The following DOCK2 variants were observed in gnomAD, a reference collection of about 807,000 sequenced individuals.
DOCK2 encodes dedicator of cytokinesis protein 2.
Under a neutral mutation model 248.9 loss-of-function variants are expected in DOCK2, and 87 were observed. The observed-to-expected ratio is 0.35, with a 90% CI of 0.29 to 0.42. The LOEUF (loss-of-function observed/expected upper bound fraction) is 0.42, where lower values mean the gene tolerates loss of function less well. Ranked by LOEUF, DOCK2 falls within the 10% of genes least tolerant of loss-of-function variation. The probability of loss-of-function intolerance (pLI) is 1.00; values close to 1 mark genes in which losing one functional copy is unlikely to be tolerated. For missense variants in DOCK2, 1,747 were observed against 2,300.2 expected (o/e 0.76, Z 4.92); for synonymous variants, 805 against 821.6 (o/e 0.98, Z 0.35).
chr5:169,908,148 C>T (rs771336329), intron 27 of DOCK2, among the ~76,000 whole-genome samples: 8 of 152,170 alleles, frequency 5.3e-5, no homozygotes, highest in Non-Finnish European at 8.8e-5. Flanking sequence ...TTCAAGTTCA[C>T]TAATGCCAGA....
chr5:169,717,028 T>C (rs1236741516), intron 20 of DOCK2, among the ~76,000 whole-genome samples: 1 of 152,210 alleles, frequency 6.6e-6, no homozygotes, highest in Non-Finnish European at 1.5e-5. Context: ...ATATATACTT[T>C]GATTAATTAA....
chr5:170,015,213 C>T (rs907522306), intron 32 of DOCK2, among the ~76,000 whole-genome samples: 19 of 152,250 alleles, frequency 1.2e-4, no homozygotes, highest in East Asian at 3.9e-4. Context: ...TGCAATGTGC[C>T]GGACACTGTG....
At chr5:169,682,227 C>A (rs1759706457) in intron 7 of DOCK2, among the ~76,000 whole-genome samples, 1 of 152,222 alleles carries the variant, frequency 6.6e-6, no homozygotes, top group Non-Finnish European at 1.5e-5. Flanking sequence ...TTATGTGAAT[C>A]AAAGTGACTC....
intron 22 of DOCK2, among the ~76,000 whole-genome samples, chr5:169,739,524 TA>T (rs989605222): frequency 1.3e-5 from 2 of 152,166 alleles, no homozygotes; most frequent in Non-Finnish European, 2.9e-5. Context: ...AATCAGAATA[TA>T]AAATAAGTGT....
At chr5:170,077,231 G>A (rs900894041) in intron 47 of DOCK2, among the ~76,000 whole-genome samples, 22 of 152,154 alleles carry the variant, frequency 1.4e-4, no homozygotes, top group African/African-American at 4.8e-4. Flanking sequence ...AGAGCCTAAT[G>A]TCCAGAGTTT....
At chr5:169,759,886 A>G (rs1764385783) in intron 24 of DOCK2, 111 bp downstream of exon 24, 1 of 1,167,962 alleles carries the variant, frequency 8.6e-7, no homozygotes, top group Non-Finnish European at 1.3e-6. Flanking sequence ...GGGGATGGGG[A>G]AGACCTGTGG....
intron 26 of DOCK2, among the ~76,000 whole-genome samples, chr5:169,815,731 T>C (rs1768031234): frequency 6.6e-6 from 1 of 152,178 alleles, no homozygotes; most frequent in African/African-American, 2.4e-5. Context: ...CCCCCTAGGT[T>C]AGTGTCTAAC....
chr5:169,795,013 C>G (rs1766560402), intron 25 of DOCK2, among the ~76,000 whole-genome samples: 1 of 152,146 alleles, frequency 6.6e-6, no homozygotes, highest in East Asian at 1.9e-4. Flanking sequence ...TGCAACATAC[C>G]AAGACCCCAT....
In DOCK2 at chr5:169,667,338, G is replaced by A. The variant is rs1758794099; in HGVS notation, c.128-1950G>A. Among the ~76,000 whole-genome samples the A allele has an allele frequency of 2.0e-5, 3 of 152,286 alleles. 1 individual carries two copies. The highest frequency in any genetic ancestry group is 7.2e-5 in the African/African-American group (3 of 41,558). ...CACATAAGCTTGAGTTTGAACTCTGGTTGTATGATCTTGGCCCAGCCCATC... is the reference window on the plus strand; with the variant it reads ...CACATAAGCTTGAGTTTGAACTCTGATTGTATGATCTTGGCCCAGCCCATC... On this transcript the variant is annotated intron_variant, in intron 2 of 51. Transcript: ENST00000520908.
chr5:169,802,484 T>TACATCCATG (rs904900579), intron 25 of DOCK2, among the ~76,000 whole-genome samples: 6 of 152,108 alleles, frequency 3.9e-5, no homozygotes, highest in African/African-American at 1.4e-4. Context: ...AATAGAAAAA[T>TACATCCATG]ACATCCATGA....
chr5:169,930,308 C>T (rs769394398), intron 27 of DOCK2, among the ~76,000 whole-genome samples: 5 of 152,298 alleles, frequency 3.3e-5, no homozygotes, highest in South Asian at 2.1e-4. Context: ...ATTTAAATAA[C>T]CACATATGGG....
Position 169,859,327 on chromosome 5 carries a change from TGAAAA to T in DOCK2, c.2799+18479_2799+18483del, listed in dbSNP as rs539401608. Among the ~76,000 whole-genome samples the T allele has an allele frequency of 2.2e-3, 328 of 152,236 alleles. 3 individuals carry two copies. The highest frequency in any genetic ancestry group is 3.7e-3 in the Non-Finnish European group (249 of 68,022). On this transcript the variant is annotated intron_variant, in intron 27 of 51. Coordinates refer to ENST00000520908, the MANE Select transcript of DOCK2 (RefSeq NM_004946.3). ...CATCGAAATTTAGGCTGTAAATTGG[TGAAAA>T]GAAGATGGGGAGGAAGTTGAGGTGA...
intron 22 of DOCK2, among the ~76,000 whole-genome samples, chr5:169,728,703 C>T (rs1040055111): frequency 1.3e-5 from 2 of 152,166 alleles, no homozygotes; most frequent in African/African-American, 4.8e-5. Flanking sequence ...GTTTGAAGTG[C>T]ATTTGATTTC....
At chr5:169,934,733 G>A (rs1319052134) in intron 27 of DOCK2, 4 of 456,058 alleles carry the variant, frequency 8.8e-6, no homozygotes, top group Non-Finnish European at 1.8e-5. Context: ...TTAGCACAGG[G>A]CTGCTCACGG....
rs201755015 is a variant in DOCK2, at chr5:169,730,887, TCTC to T, written c.2267+12097_2267+12099del. Reference sequence around the variant, plus strand: ...GATTATAGCTACCACTCTCTCTCTCTCTCTTTTTTTTAGAGACAAGGTCTTGCT... The same window carrying T: ...GATTATAGCTACCACTCTCTCTCTCTTTTTTTTTAGAGACAAGGTCTTGCT... On this transcript the variant is annotated intron_variant, in intron 22 of 51. Transcript: ENST00000520908. Among the ~76,000 whole-genome samples the T allele has an allele frequency of 3.7e-3, 495 of 132,708 alleles. 22 individuals carry two copies. In the East Asian group the frequency reaches 0.079, roughly 21 times the overall value. 87.1% of individuals were successfully genotyped at this position (132,708 alleles called of 152,430 possible). A position where few individuals can be genotyped will look rare whatever the true frequency, so the allele number is the denominator to read the frequency against.
intron 36 of DOCK2, among the ~76,000 whole-genome samples, chr5:170,038,609 G>A (rs1756401982): frequency 6.6e-6 from 1 of 152,154 alleles, no homozygotes; most frequent in African/African-American, 2.4e-5. Context: ...CAGGCCTGGA[G>A]CACTGTCATC....
In DOCK2 at chr5:170,052,765, C is replaced by T. The variant is rs764399690; in HGVS notation, c.4213+2368C>T. ...TTTACCATGTACTAGGCATTTTACA[C>T]GCATTGTTGTTTTACCCTCCAATAC... On this transcript the variant is annotated intron_variant, in intron 41 of 51. Transcript: ENST00000520908. 2.6e-5 allele frequency among the ~76,000 whole-genome samples: 4 copies of T among 152,156 alleles called. 1 individual carries two copies. Among genetic ancestry groups the T allele is most frequent in the African/African-American group, 9.7e-5 (4 of 41,434 alleles).
chr5:169,698,107 G>T (rs886740834), intron 10 of DOCK2, among the ~76,000 whole-genome samples: 1 of 152,122 alleles, frequency 6.6e-6, no homozygotes, highest in African/African-American at 2.4e-5. Context: ...TTTCCTTTTG[G>T]CCTCTGCTAA....
intron 30 of DOCK2, among the ~76,000 whole-genome samples, chr5:169,996,736 G>A (rs957062221): frequency 4.6e-5 from 7 of 152,200 alleles, no homozygotes; most frequent in Admixed American, 1.3e-4. Context: ...TCTGCCTGGA[G>A]ATGTGCGAGG....
Sources: allele counts gnomAD v4.1 joint callset (sites outside exome capture counted in the v4.1 genomes callset), GRCh38; gene constraint gnomAD v4.1.1; transcripts MANE v1.5; gene names NCBI Gene and HGNC (gene_info 2026-07-23, HGNC 2026-07-21).